Variants in MAML2 observed in about 807,000 individuals in gnomAD.
MAML2 encodes mastermind-like protein 2.
MAML2 carries 22 observed loss-of-function variants against 96.1 expected under a neutral mutation model. The observed-to-expected ratio is 0.23, with a 90% CI of 0.16 to 0.33. The LOEUF (loss-of-function observed/expected upper bound fraction) is 0.33. MAML2 is among the 10% of genes least tolerant of loss of function. The probability of loss-of-function intolerance (pLI) is 1.00; values close to 1 mark genes in which losing one functional copy is unlikely to be tolerated. For missense variants in MAML2, 1,367 were observed against 1,392.4 expected, an observed-to-expected ratio of 0.98 and a Z score of 0.29; for synonymous variants, 561 against 521.3, an observed-to-expected ratio of 1.08 and a Z score of -1.04.
chr11:96,192,870 C>T (rs1248400819), intron 1 of MAML2, among the ~76,000 whole-genome samples: 2 of 152,196 alleles, frequency 1.3e-5, no homozygotes, highest in African/African-American at 2.4e-5. Flanking sequence ...TGGTTTGCTT[C>T]GTGCAAGCTA....
chr11:96,185,312 T>C (rs1430713045), intron 1 of MAML2, among the ~76,000 whole-genome samples: 1 of 152,214 alleles, frequency 6.6e-6, no homozygotes, highest in Non-Finnish European at 1.5e-5. Flanking sequence ...AAAACCAGTC[T>C]GCTTTCTCTC....
At chr11:96,202,212 G>A (rs1454099427) in intron 1 of MAML2, among the ~76,000 whole-genome samples, 2 of 150,108 alleles carry the variant, frequency 1.3e-5, no homozygotes, top group East Asian at 2.0e-4. Context: ...TTAGCCGGGG[G>A]TGGTGGCGGG....
chr11:96,049,733 A>G (rs16922933), intron 2 of MAML2, among the ~76,000 whole-genome samples: 2,989 of 152,336 alleles, frequency 0.02, 117 homozygotes, highest in African/African-American at 0.068. Flanking sequence ...TTTAATAAAC[A>G]GAAACTACTA....
At chr11:96,170,160 A>G (rs1861263200) in intron 1 of MAML2, among the ~76,000 whole-genome samples, 1 of 152,196 alleles carries the variant, frequency 6.6e-6, no homozygotes, top group South Asian at 2.1e-4. Flanking sequence ...GCACCTGCCC[A>G]GCATCGTGCT....
chr11:96,095,848 G>T (rs1859817469), intron 1 of MAML2, among the ~76,000 whole-genome samples: 1 of 152,178 alleles, frequency 6.6e-6, no homozygotes, highest in African/African-American at 2.4e-5. Flanking sequence ...GGCTAGGCAT[G>T]CTTTGTACCT....
intron 1 of MAML2, among the ~76,000 whole-genome samples, chr11:96,232,218 G>C (rs927980838): frequency 1.3e-5 from 2 of 152,156 alleles, no homozygotes; most frequent in African/African-American, 4.8e-5. Flanking sequence ...CATGAGCCAC[G>C]TGCCTTTTCT....
intron 1 of MAML2, among the ~76,000 whole-genome samples, chr11:96,331,245 G>T (rs1025226140): frequency 3.3e-5 from 5 of 152,152 alleles, no homozygotes; most frequent in African/African-American, 1.2e-4. Flanking sequence ...ACTCCAGCCT[G>T]GGTGACAGAG....
intron 1 of MAML2, among the ~76,000 whole-genome samples, chr11:96,320,047 C>G (rs953643443): frequency 6.6e-6 from 1 of 152,218 alleles, no homozygotes; most frequent in Admixed American, 6.5e-5. Flanking sequence ...GCAGAAGCTA[C>G]AGTGAACTTG....
rs748732633 is a variant in MAML2 at position 95,991,731 on chromosome 11, A to G, written c.2140-8T>C. ...TACCACAGAGTGTTGATCCTAAAGA[A>G]GAGAAAGGGGGAAGGAAAAGCTACT... On this transcript the variant is annotated splice_region_variant and splice_polypyrimidine_tract_variant and intron_variant, in intron 2 of 4. Transcript: ENST00000524717. 1.9e-6 allele frequency: 3 copies of G among 1,611,358 alleles called. No individual in the cohort carries two copies. Among genetic ancestry groups the G allele is most frequent in the South Asian group, 2.2e-5 (2 of 90,938 alleles).
At chr11:96,274,847 A>C (rs1409875352) in intron 1 of MAML2, among the ~76,000 whole-genome samples, 1 of 152,200 alleles carries the variant, frequency 6.6e-6, no homozygotes, top group African/African-American at 2.4e-5. Context: ...TATCACCTGA[A>C]TCTAATACCC....
At chr11:96,033,985 A>G (rs986770375) in intron 2 of MAML2, among the ~76,000 whole-genome samples, 2 of 152,198 alleles carry the variant, frequency 1.3e-5, no homozygotes, top group Non-Finnish European at 2.9e-5. Flanking sequence ...AAGGGTTTTA[A>G]GGAAAATCTT....
intron 2 of MAML2, among the ~76,000 whole-genome samples, chr11:96,041,795 C>G (rs1315824972): frequency 6.6e-6 from 1 of 151,236 alleles, no homozygotes; most frequent in African/African-American, 2.4e-5. Flanking sequence ...CTGCCTGGAT[C>G]TAGCCCTTCT....
At chr11:96,004,751 T>C (rs1238192747) in intron 2 of MAML2, among the ~76,000 whole-genome samples, 4 of 152,226 alleles carry the variant, frequency 2.6e-5, no homozygotes, top group Admixed American at 6.5e-5. Context: ...TAATAGTGCC[T>C]TCCTCATGGA....
chr11:96,014,055 G>T (rs2135730271), intron 2 of MAML2, among the ~76,000 whole-genome samples: 1 of 152,230 alleles, frequency 6.6e-6, no homozygotes, highest in Admixed American at 6.5e-5. Flanking sequence ...ATGGCCGTGG[G>T]GTCGCAGCCC....
chr11:96,057,056 AG>A (rs1330566465), intron 2 of MAML2, among the ~76,000 whole-genome samples: 1 of 152,178 alleles, frequency 6.6e-6, no homozygotes, highest in Non-Finnish European at 1.5e-5. Context: ...CAGCCCGAGA[AG>A]TATAAAAGGT....
chr11:96,250,331 C>CA (rs1376080386), intron 1 of MAML2, among the ~76,000 whole-genome samples: 5 of 151,972 alleles, frequency 3.3e-5, no homozygotes, highest in African/African-American at 1.2e-4. Flanking sequence ...TGTTTCAATA[C>CA]ATATAATCAT....
chr11:96,027,152 T>G (rs960913459), intron 2 of MAML2, among the ~76,000 whole-genome samples: 1 of 152,236 alleles, frequency 6.6e-6, no homozygotes, highest in African/African-American at 2.4e-5. Context: ...AGTCTCAAGA[T>G]AGCTCTCAAC....
At chr11:96,121,184 A>C (rs150909249) in intron 1 of MAML2, among the ~76,000 whole-genome samples, 163 of 152,320 alleles carry the variant, frequency 1.1e-3, no homozygotes, top group African/African-American at 3.7e-3. Flanking sequence ...CCAGCCTTGA[A>C]GAGAATCCAA....
chr11:96,030,739 C>A lies in MAML2; in HGVS notation c.2140-39016G>T, dbSNP rs1320544984. Among the ~76,000 whole-genome samples the A allele has an allele frequency of 9.2e-5, 14 of 152,164 alleles. 1 individual carries two copies. On this transcript the variant is annotated intron_variant, in intron 2 of 4. Coordinates refer to ENST00000524717, the MANE Select transcript of MAML2 (RefSeq NM_032427.4). ...TGACCATTGACCTGACAGAGAACTG[C>A]CAGAACTCTACTTAAAGGCAGCCAA...
Sources: allele counts gnomAD v4.1 joint callset (sites outside exome capture counted in the v4.1 genomes callset), GRCh38; gene constraint gnomAD v4.1.1; transcripts MANE v1.5; gene names NCBI Gene and HGNC (gene_info 2026-07-23, HGNC 2026-07-21).